Variants in PPM1H observed in about 807,000 individuals in gnomAD.
The protein encoded by PPM1H is protein phosphatase, Mg2+/Mn2+ dependent 1H, also known as protein phosphatase 1H.
In PPM1H, 27 loss-of-function variants were observed where a neutral mutation model predicts 54.9. The ratio of observed to expected loss-of-function variants is 0.49; its 90% CI spans 0.36 to 0.68. The LOEUF is 0.68. PPM1H is among the 30% of genes least tolerant of loss of function. The pLI is 0.00. For synonymous variants in PPM1H, 305 were observed against 270.8 expected (o/e 1.13, Z -1.24); for missense variants, 596 against 667.8 (o/e 0.89, Z 1.19).
chr12:62,795,063 A>C (rs1167687183), intron 3 of PPM1H, among the ~76,000 whole-genome samples: 1 of 152,180 alleles, frequency 6.6e-6, no homozygotes, highest in African/African-American at 2.4e-5. Context: ...GTACACAGTA[A>C]GTATTAAAAA....
At chr12:62,850,329 T>C (rs932427729) in intron 1 of PPM1H, among the ~76,000 whole-genome samples, 18 of 152,188 alleles carry the variant, frequency 1.2e-4, no homozygotes, top group Non-Finnish European at 2.9e-5. Context: ...TATATGTTTT[T>C]GTAGTTAAAG....
rs138490212 is a variant in PPM1H at position 62,682,665 on chromosome 12, G to A, written c.1245+7034C>T. Among the ~76,000 whole-genome samples the A allele has an allele frequency of 3.4e-3, 524 of 152,120 alleles. 4 individuals are homozygous for A. Among genetic ancestry groups the A allele is most frequent in the Middle Eastern group, 0.01 (3 of 294 alleles). ...ATTACAGGTGTGCACCACTATGCCC[G>A]GATAATTTTTAAACTTTTTGTAGAG... On this transcript the variant is annotated intron_variant, in intron 8 of 9. Coordinates refer to ENST00000228705, the MANE Select transcript of PPM1H (RefSeq NM_020700.2).
At chr12:62,669,969 CT>C (rs1161094944) in intron 8 of PPM1H, among the ~76,000 whole-genome samples, 198 of 46,406 alleles carry the variant, frequency 4.3e-3, no homozygotes, top group African/African-American at 8.8e-3. Context: ...GGATTGATTC[CT>C]TTTTTTTTTT....
chr12:62,820,110 T>C (rs1311656570), intron 2 of PPM1H, among the ~76,000 whole-genome samples: 3 of 152,236 alleles, frequency 2.0e-5, no homozygotes, highest in African/African-American at 7.2e-5. Flanking sequence ...AAATGGCACC[T>C]GGCTTAGCAG....
Position 62,689,788 on chromosome 12 carries a change from T to C in PPM1H, c.1156A>G (p.Ile386Val), listed in dbSNP as rs1184363308. The C allele has an allele frequency of 5.6e-6, 9 of 1,613,142 alleles. No homozygotes were observed. Among genetic ancestry groups the C allele is most frequent in the East Asian group, 2.2e-5 (1 of 44,846 alleles). The part of the protein sequence containing the change: ...EGKKARVMAT[I>V]GVTRGLGDHD... ...TCCCCAAGTCCCCTGGTCACTCCAA[T>C]AGTTGCCATTACCCGGGCCTAGGAG... Residue 386 changes from isoleucine to valine, a missense_variant, in exon 8 of 10, where the codon ATT becomes GTT. Around this residue, in one of 3 missense-constraint regions of PPM1H, gnomAD observed 208 missense variants for 259.5 expected, o/e 0.80. Coordinates refer to ENST00000228705, the MANE Select transcript of PPM1H (RefSeq NM_020700.2).
chr12:62,718,713 C>T (rs571936841), intron 6 of PPM1H, among the ~76,000 whole-genome samples: 175 of 152,314 alleles, frequency 1.1e-3, no homozygotes, highest in African/African-American at 4.1e-3. Context: ...TGATGCTTTG[C>T]TGAATTACAC....
chr12:62,782,687 T>A (rs918429658), intron 4 of PPM1H, among the ~76,000 whole-genome samples: 7 of 152,162 alleles, frequency 4.6e-5, no homozygotes, highest in Non-Finnish European at 8.8e-5. Flanking sequence ...ATTCAAAAAC[T>A]TAGTGAGACA....
intron 1 of PPM1H, among the ~76,000 whole-genome samples, chr12:62,876,433 T>C (rs1870171960): frequency 6.6e-6 from 1 of 152,174 alleles, no homozygotes; most frequent in Non-Finnish European, 1.5e-5. Flanking sequence ...CATTTGTTAA[T>C]GATGCATTCA....
At chr12:62,727,686 A>T (rs1423011695) in intron 5 of PPM1H, among the ~76,000 whole-genome samples, 1 of 98,694 alleles carries the variant, frequency 1.0e-5, no homozygotes, top group Non-Finnish European at 2.5e-5. Flanking sequence ...TTTGAGGTGG[A>T]TTCTCACTCT....
rs139860374 is a variant in PPM1H at position 62,645,712 on chromosome 12, C to T, written c.*2777G>A. The T allele has an allele frequency of 6.6e-6, 1 of 152,308 alleles. No homozygotes were observed. The highest frequency in any genetic ancestry group is 1.9e-4 in the East Asian group (1 of 5,182). 9.4% of individuals were successfully genotyped at this position (152,308 alleles called of 1,614,324 possible). A position where few individuals can be genotyped will look rare whatever the true frequency, so the allele number is the denominator to read the frequency against. ...CTTTCATTAAAGTAGCCACACACCC[C>T]TCGAGACAACCATAAAGACTTGACT... On this transcript the variant is annotated 3_prime_UTR_variant, in exon 10 of 10. Coordinates refer to ENST00000228705, the MANE Select transcript of PPM1H (RefSeq NM_020700.2).
intron 1 of PPM1H, among the ~76,000 whole-genome samples, chr12:62,886,780 A>C (rs1870603591): frequency 6.6e-6 from 1 of 152,234 alleles, no homozygotes; most frequent in Non-Finnish European, 1.5e-5. Flanking sequence ...TCAAATCTTT[A>C]AAAACTCAAT....
chr12:62,903,586 C>T (rs1254051963), intron 1 of PPM1H, among the ~76,000 whole-genome samples: 2 of 152,308 alleles, frequency 1.3e-5, no homozygotes, highest in African/African-American at 4.8e-5. Flanking sequence ...TTTAGATACA[C>T]TCAGACAGAA....
intron 6 of PPM1H, among the ~76,000 whole-genome samples, chr12:62,699,700 C>T (rs916604897): frequency 7.2e-5 from 11 of 152,210 alleles, no homozygotes; most frequent in African/African-American, 2.7e-4. Context: ...CCTGGAATAG[C>T]TCTTGGGCTA....
intron 1 of PPM1H, among the ~76,000 whole-genome samples, chr12:62,865,474 C>T (rs997623112): frequency 2.6e-5 from 4 of 152,206 alleles, no homozygotes; most frequent in Non-Finnish European, 5.9e-5. Flanking sequence ...CCACTAGGAA[C>T]TTCACCCTCA....
At chr12:62,714,774 G>C (rs1200920656) in intron 6 of PPM1H, among the ~76,000 whole-genome samples, 1 of 152,172 alleles carries the variant, frequency 6.6e-6, no homozygotes, top group Non-Finnish European at 1.5e-5. Flanking sequence ...CATAACGTTA[G>C]AAAGGCTTTG....
chr12:62,920,908 T>C (rs1871776328), intron 1 of PPM1H, among the ~76,000 whole-genome samples: 1 of 152,092 alleles, frequency 6.6e-6, no homozygotes, highest in Non-Finnish European at 1.5e-5. Context: ...AGCATTTTTA[T>C]GTAATTAATT....
intron 1 of PPM1H, among the ~76,000 whole-genome samples, chr12:62,842,325 T>C (rs1868782204): frequency 6.6e-6 from 1 of 152,226 alleles, no homozygotes; most frequent in Admixed American, 6.5e-5. Flanking sequence ...GTGAGAAATT[T>C]TTTTAAACAA....
intron 1 of PPM1H, among the ~76,000 whole-genome samples, chr12:62,849,783 T>C (rs1592634435): frequency 6.6e-6 from 1 of 152,160 alleles, no homozygotes; most frequent in African/African-American, 2.4e-5. Flanking sequence ...CAGGGAAGTA[T>C]TTCACTTGTC....
intron 3 of PPM1H, among the ~76,000 whole-genome samples, chr12:62,795,769 C>T (rs1385054389): frequency 6.6e-6 from 1 of 152,004 alleles, no homozygotes; most frequent in East Asian, 1.9e-4. Flanking sequence ...CTCCGTTGCC[C>T]AGGCTAGGGT....
Sources: allele counts gnomAD v4.1 joint callset (sites outside exome capture counted in the v4.1 genomes callset), GRCh38; gene constraint gnomAD v4.1.1; regional missense constraint gnomAD v4.1.1; transcripts MANE v1.5; gene names NCBI Gene and HGNC (gene_info 2026-07-23, HGNC 2026-07-21).